NRXN3: variants seen among roughly 807,000 people sequenced by gnomAD.
NRXN3 encodes the protein neurexin III.
In NRXN3, 32 loss-of-function variants were observed where a neutral mutation model predicts 137.6. That is an observed-to-expected ratio of 0.23 (90% confidence interval 0.18 to 0.31). The LOEUF is 0.31. NRXN3 is among the 10% of genes least tolerant of loss of function. The pLI is 1.00. For synonymous variants in NRXN3, 798 were observed against 784.5 expected (o/e 1.02, Z -0.29); for missense variants, 1,574 against 2,062.5 (o/e 0.76, Z 4.59).
intron 16 of NRXN3, among the ~76,000 whole-genome samples, chr14:79,472,045 A>C (rs765860650): frequency 1.4e-4 from 22 of 152,030 alleles, no homozygotes; most frequent in Admixed American, 1.2e-3. Context: ...CTATGTGTCC[A>C]TGTGTTCTCA....
intron 10 of NRXN3, among the ~76,000 whole-genome samples, chr14:78,825,403 C>T: frequency 6.6e-6 from 1 of 152,186 alleles, no homozygotes; most frequent in South Asian, 2.1e-4. Flanking sequence ...TAAACCTGCT[C>T]TGCTATTAAT....
intron 15 of NRXN3, among the ~76,000 whole-genome samples, chr14:79,085,333 CAGTCA>C (rs1447804652): frequency 2.0e-5 from 3 of 152,118 alleles, no homozygotes; most frequent in Non-Finnish European, 2.9e-5. Context: ...CTATCAATGT[CAGTCA>C]AGATAACAGT....
intron 4 of NRXN3, among the ~76,000 whole-genome samples, chr14:78,527,981 G>T (rs1248432903): frequency 6.6e-6 from 1 of 152,198 alleles, no homozygotes; most frequent in Non-Finnish European, 1.5e-5. Context: ...GAGAAGAAAA[G>T]CAGACAACTG....
chr14:79,279,049 G>A (rs1566646350), intron 15 of NRXN3, among the ~76,000 whole-genome samples: 1 of 152,198 alleles, frequency 6.6e-6, no homozygotes, highest in African/African-American at 2.4e-5. Context: ...CATGGCTGGA[G>A]TTTGGTTTCA....
At chr14:78,182,863 G>T (rs2059931657) in intron 1 of NRXN3, among the ~76,000 whole-genome samples, 1 of 152,174 alleles carries the variant, frequency 6.6e-6, no homozygotes. Context: ...AAGTTTTTGG[G>T]AGGTTCAGTG....
chr14:79,087,044 A>C (rs1317918211), intron 15 of NRXN3, among the ~76,000 whole-genome samples: 1 of 152,130 alleles, frequency 6.6e-6, no homozygotes, highest in Non-Finnish European at 1.5e-5. Flanking sequence ...GGGAGTTCTG[A>C]GCTAAGGAAC....
chr14:79,509,420 G>A (rs2096910462), intron 16 of NRXN3, among the ~76,000 whole-genome samples: 1 of 151,922 alleles, frequency 6.6e-6, no homozygotes, highest in Non-Finnish European at 1.5e-5. Context: ...GGAGGCTGAG[G>A]CAGGAGAATG....
chr14:79,023,587 G>A (rs1311419519), intron 15 of NRXN3, among the ~76,000 whole-genome samples: 1 of 152,046 alleles, frequency 6.6e-6, no homozygotes, highest in Non-Finnish European at 1.5e-5. Context: ...AAGAAAAGAG[G>A]TTTAATTGAC....
chr14:79,676,514 G>T (rs1357367682), intron 17 of NRXN3, among the ~76,000 whole-genome samples: 2 of 151,544 alleles, frequency 1.3e-5, no homozygotes, highest in East Asian at 3.9e-4. Context: ...ACAACATAAG[G>T]ACTATATTTA....
At chr14:79,491,685 GA>G (rs2096718986) in intron 16 of NRXN3, among the ~76,000 whole-genome samples, 1 of 152,150 alleles carries the variant, frequency 6.6e-6, no homozygotes, top group Admixed American at 6.6e-5. Context: ...GAAAGAGAGA[GA>G]GAGAGAGAGA....
chr14:78,310,072 G>A (rs1033004583), intron 4 of NRXN3, among the ~76,000 whole-genome samples: 1 of 152,172 alleles, frequency 6.6e-6, no homozygotes, highest in Admixed American at 6.6e-5. Flanking sequence ...TCCATATAGT[G>A]AGCATAAACA....
intron 4 of NRXN3, among the ~76,000 whole-genome samples, chr14:78,317,750 T>G (rs563387680): frequency 6.6e-6 from 1 of 152,328 alleles, no homozygotes; most frequent in Non-Finnish European, 1.5e-5. Flanking sequence ...TCAGTTAAGT[T>G]GACACGTAAA....
chr14:78,664,244 C>T (rs184250271), intron 6 of NRXN3, among the ~76,000 whole-genome samples: 1 of 152,276 alleles, frequency 6.6e-6, no homozygotes, highest in East Asian at 1.9e-4. Context: ...GTAATGCTTG[C>T]TAAGCTTCTC....
intron 1 of NRXN3, among the ~76,000 whole-genome samples, chr14:78,171,693 A>C (rs2058739745): frequency 6.7e-6 from 1 of 148,826 alleles, no homozygotes; most frequent in South Asian, 2.1e-4. Context: ...ATACCAACCT[A>C]AGGGCTCGGC....
Position 78,247,187 on chromosome 14 carries a change from G to A in NRXN3, c.709+3385G>A, listed in dbSNP as rs116004094. ...TTGTCTGGCTCTCCATGCCTTGTTGGCTCCAAAATGTCATCATGCTGCACC... is the reference window on the plus strand; with the variant it reads ...TTGTCTGGCTCTCCATGCCTTGTTGACTCCAAAATGTCATCATGCTGCACC... On this transcript the variant is annotated intron_variant, in intron 2 of 20. Coordinates refer to ENST00000335750, the MANE Select transcript of NRXN3 (RefSeq NM_001330195.2). 7.2e-3 allele frequency among the ~76,000 whole-genome samples: 1,099 copies of A among 152,226 alleles called. 13 individuals carry two copies. Among genetic ancestry groups the A allele is most frequent in the African/African-American group, 0.025 (1,057 of 41,518 alleles).
chr14:79,177,363 A>G (rs1432294960), intron 15 of NRXN3, among the ~76,000 whole-genome samples: 1 of 152,210 alleles, frequency 6.6e-6, no homozygotes, highest in Non-Finnish European at 1.5e-5. Flanking sequence ...GTGTGAAATG[A>G]AAATGCTTTA....
Position 79,387,018 on chromosome 14 carries a change from A to C in NRXN3, c.3263-80203A>C, listed in dbSNP as rs554587434. On this transcript the variant is annotated intron_variant, in intron 15 of 20. Transcript: ENST00000335750. ...AAAACTCTAGAAGAAAACCTAGGCAATACCATTCAGGACATAGGCATGGGC... is the reference window on the plus strand; with the variant it reads ...AAAACTCTAGAAGAAAACCTAGGCACTACCATTCAGGACATAGGCATGGGC... 1.5e-3 allele frequency among the ~76,000 whole-genome samples: 225 copies of C among 152,202 alleles called. 1 individual carries two copies. The highest frequency in any genetic ancestry group is 5.2e-3 in the African/African-American group (214 of 41,536).
intron 6 of NRXN3, among the ~76,000 whole-genome samples, chr14:78,702,318 TA>T (rs2098290693): frequency 6.6e-6 from 1 of 150,686 alleles, no homozygotes. Context: ...ATATATAACT[TA>T]TAAATAAATA....
chr14:78,923,236 T>C (rs2099275966), intron 10 of NRXN3, among the ~76,000 whole-genome samples: 1 of 152,220 alleles, frequency 6.6e-6, no homozygotes, highest in Admixed American at 6.5e-5. Flanking sequence ...CACTTTTTGT[T>C]GTACATCTCT....
Sources: gnomAD v4.1 joint callset for allele counts (sites outside exome capture counted in the v4.1 genomes callset) on GRCh38, gnomAD v4.1.1 for gene constraint, MANE v1.5 for transcripts, NCBI Gene and HGNC (gene_info 2026-07-23, HGNC 2026-07-21) for gene names.